Variants in GLMN observed in about 807,000 individuals in gnomAD.
The protein encoded by GLMN is glomulin, FKBP associated protein, also known as glomulin.
In GLMN, 75 loss-of-function variants were observed where a neutral mutation model predicts 87.8. That is an observed-to-expected ratio of 0.85 (90% CI 0.71 to 1.04). The LOEUF (loss-of-function observed/expected upper bound fraction) is 1.04. GLMN is among the 50% of genes least tolerant of loss of function. The pLI, the probability that GLMN is intolerant of heterozygous loss-of-function variation, is 0.00. For synonymous variants in GLMN, 206 were observed against 221.6 expected (o/e 0.93, Z 0.63); for missense variants, 588 against 658.8 (o/e 0.89, Z 1.18).
chr1:92,304,943 C>A, the GLMN span, among the ~76,000 whole-genome samples: 1 of 151,816 alleles, frequency 6.6e-6, no homozygotes, highest in Non-Finnish European at 1.5e-5. Context: ...TGGAGGCCAG[C>A]CTGGGCAACG....
At chr1:92,271,837 A>T (rs1361338338) in intron 7 of GLMN, among the ~76,000 whole-genome samples, 185 bp from the exon 8 acceptor site, 2 of 152,134 alleles carry the variant, frequency 1.3e-5, no homozygotes. Flanking sequence ...TGATTAGATT[A>T]TATGACAAAA....
chr1:92,341,524 T>A, the GLMN span, among the ~76,000 whole-genome samples: 1 of 152,214 alleles, frequency 6.6e-6, no homozygotes, highest in Non-Finnish European at 1.5e-5. Flanking sequence ...CTTATTTGTG[T>A]TCTCTCCAGT....
the GLMN span, among the ~76,000 whole-genome samples, chr1:92,338,293 C>G: frequency 1.5e-3 from 229 of 152,328 alleles, no homozygotes; most frequent in African/African-American, 5.2e-3. Flanking sequence ...TGATCACTCA[C>G]AAGTTCAGGG....
At chr1:92,305,203 C>T in the GLMN span, among the ~76,000 whole-genome samples, 5 of 151,822 alleles carry the variant, frequency 3.3e-5, no homozygotes, top group Admixed American at 2.6e-4. Context: ...GAGGCCGAGG[C>T]GGGCAGATCA....
chr1:92,361,489 A>T, the GLMN span, among the ~76,000 whole-genome samples: 1 of 152,138 alleles, frequency 6.6e-6, no homozygotes, highest in African/African-American at 2.4e-5. Flanking sequence ...GTAAAATTGC[A>T]TTGCACGTGA....
At chr1:92,320,473 A>T in the GLMN span, 2 of 627,618 alleles carry the variant, frequency 3.2e-6, no homozygotes, top group Non-Finnish European at 5.8e-6. Flanking sequence ...GGGTTTCACC[A>T]TGTTGGCCAG....
At chr1:92,323,953 A>G in the GLMN span, 1 of 1,614,188 alleles carries the variant, frequency 6.2e-7, no homozygotes, top group Non-Finnish European at 8.5e-7. Context: ...TGCCAAATCA[A>G]ACCAAGTGTC....
the GLMN span, among the ~76,000 whole-genome samples, chr1:92,365,533 A>C: frequency 6.6e-6 from 1 of 152,218 alleles, no homozygotes; most frequent in African/African-American, 2.4e-5. Flanking sequence ...ATTCTAGTGC[A>C]CATTGGTGTG....
intron 16 of GLMN, among the ~76,000 whole-genome samples, chr1:92,261,968 TA>T (rs1335895178): frequency 1.3e-5 from 2 of 150,628 alleles, no homozygotes; most frequent in African/African-American, 2.4e-5. Context: ...AACAAAATGT[TA>T]AAAAAAAATA....
rs759150321 is a variant in GLMN at position 92,281,514 on chromosome 1, C to T, written c.735+4976G>A. 5.9e-5 allele frequency among the ~76,000 whole-genome samples: 9 copies of T among 152,312 alleles called. No homozygotes were observed. The East Asian group carries it at 1.2e-3, about 20-fold the overall frequency. ...CGACCGGTACCAGCTACTGCAAAAACATGCCAAATGGTAAAGACCAGTGAC... is the reference window on the plus strand; with the variant it reads ...CGACCGGTACCAGCTACTGCAAAAATATGCCAAATGGTAAAGACCAGTGAC... On this transcript the variant is annotated intron_variant, in intron 7 of 18. Coordinates refer to ENST00000370360, the MANE Select transcript of GLMN (RefSeq NM_053274.3).
chr1:92,300,388 T>A, upstream of GLMN: 1 of 644,278 alleles, frequency 1.6e-6, no homozygotes, highest in Non-Finnish European at 2.7e-6. Context: ...CTATAAATTC[T>A]CACATAGACT....
intron 7 of GLMN, among the ~76,000 whole-genome samples, chr1:92,273,831 T>C (rs1042762794): frequency 2.6e-5 from 4 of 152,052 alleles, no homozygotes; most frequent in African/African-American, 9.7e-5. Flanking sequence ...AGATCCAATC[T>C]GTTCCCAAAT....
At position 92,283,306 on chromosome 1, in the gene GLMN, C is replaced by T. The variant is rs972818278; in HGVS notation, c.735+3184G>A. On this transcript the variant is annotated intron_variant, in intron 7 of 18. Coordinates refer to ENST00000370360, the MANE Select transcript of GLMN (RefSeq NM_053274.3). The stretch of plus-strand genomic sequence containing the variant: ...CGGCTTCTTCCCTGGGATGCAAGGC[C>T]GGTTCAACATATGCAAATCAATAAA... Among the ~76,000 whole-genome samples the T allele has an allele frequency of 3.9e-5, 6 of 152,240 alleles. No homozygotes were observed. In the East Asian group the frequency reaches 7.7e-4, roughly 20 times the overall value.
the GLMN span, among the ~76,000 whole-genome samples, chr1:92,327,818 C>A: frequency 6.6e-6 from 1 of 151,666 alleles, no homozygotes; most frequent in Non-Finnish European, 1.5e-5. Flanking sequence ...CAAGATTTAT[C>A]GCTCCTTTAG....
intron 4 of GLMN, among the ~76,000 whole-genome samples, chr1:92,290,535 C>T (rs1171363543): frequency 1.3e-5 from 2 of 152,196 alleles, no homozygotes; most frequent in Non-Finnish European, 2.9e-5. Flanking sequence ...GATCTTTAGG[C>T]TCAGGTTTCC....
At chr1:92,260,108 T>C (rs1654833402) in intron 16 of GLMN, among the ~76,000 whole-genome samples, 2 of 152,142 alleles carry the variant, frequency 1.3e-5, no homozygotes, top group Non-Finnish European at 2.9e-5. Context: ...ACAGTAGACA[T>C]ATTTGCCTCT....
Position 92,288,949 on chromosome 1 carries a change from C to T in GLMN, c.597G>A (p.Leu199=). The T allele has an allele frequency of 6.2e-7, 1 of 1,604,212 alleles. No homozygotes were observed. The change falls in exon 6 of 19, where the codon CTG becomes CTA. Residue 199 remains leucine (L), a synonymous_variant. Coordinates refer to ENST00000370360, the MANE Select transcript of GLMN (RefSeq NM_053274.3). ...EEVIDNKENS[L]ENEKLKDELL... Reference sequence around the variant, plus strand: ...ATTCATCCTTTAACTTTTCATTTTCCAGTGAGTTTTCTTTGTTATCAATGA... The same window carrying T: ...ATTCATCCTTTAACTTTTCATTTTCTAGTGAGTTTTCTTTGTTATCAATGA...
the GLMN span, among the ~76,000 whole-genome samples, chr1:92,360,568 T>C: frequency 2.0e-5 from 3 of 152,160 alleles, no homozygotes; most frequent in African/African-American, 4.8e-5. Flanking sequence ...CTGGAAGAAC[T>C]AGAGGGTAAC....
intron 16 of GLMN, among the ~76,000 whole-genome samples, chr1:92,250,377 A>G (rs1205070492): frequency 6.6e-6 from 1 of 152,210 alleles, no homozygotes; most frequent in Non-Finnish European, 1.5e-5. Flanking sequence ...TTCTTTGTCA[A>G]TCTTATGTTT....
Sources: gnomAD v4.1 joint callset for allele counts (sites outside exome capture counted in the v4.1 genomes callset) on GRCh38, gnomAD v4.1.1 for gene constraint, MANE v1.5 for transcripts, NCBI Gene and HGNC (gene_info 2026-07-23, HGNC 2026-07-21) for gene names.